ENOX1: variants seen among roughly 807,000 people sequenced by gnomAD.
ENOX1 encodes the protein candidate growth-related and time keeping constitutive hydroquinone (NADH) oxidase.
In ENOX1, 42 loss-of-function variants were observed where a neutral mutation model predicts 82.5. That is an observed-to-expected ratio of 0.51 (90% CI 0.40 to 0.66). ENOX1 has a LOEUF of 0.66. ENOX1 is among the 30% of genes least tolerant of loss of function. The pLI is 0.00. For missense variants in ENOX1, 608 were observed against 811.6 expected (o/e 0.75, Z 3.05); for synonymous variants, 271 against 282.2 (o/e 0.96, Z 0.40).
chr13:43,334,467 C>T (rs180882012), intron 9 of ENOX1, among the ~76,000 whole-genome samples: 43 of 152,278 alleles, frequency 2.8e-4, no homozygotes, highest in Non-Finnish European at 5.3e-4. Context: ...CCTTGAGCTG[C>T]TCAGAGTCCC....
intron 1 of ENOX1, among the ~76,000 whole-genome samples, chr13:43,756,623 T>A (rs951861986): frequency 3.9e-5 from 6 of 152,102 alleles, no homozygotes; most frequent in Non-Finnish European, 8.8e-5. Context: ...TGTGTCTCAT[T>A]GGACTGGGAG....
intron 15 of ENOX1, among the ~76,000 whole-genome samples, chr13:43,236,059 G>A (rs116529539): frequency 2.6e-5 from 4 of 152,176 alleles, no homozygotes; most frequent in Non-Finnish European, 5.9e-5. Context: ...GTGAAAATAA[G>A]TAAGACATCT....
chr13:43,265,943 G>A (rs1387496627), intron 13 of ENOX1, among the ~76,000 whole-genome samples: 3 of 152,206 alleles, frequency 2.0e-5, no homozygotes, highest in African/African-American at 7.2e-5. Flanking sequence ...GACATCTCTG[G>A]AGGACTAAAG....
At chr13:43,738,182 A>G (rs950672732) in intron 1 of ENOX1, among the ~76,000 whole-genome samples, 1 of 152,232 alleles carries the variant, frequency 6.6e-6, no homozygotes, top group African/African-American at 2.4e-5. Context: ...ACCCAAGCTT[A>G]AAGAGTACAT....
At chr13:43,443,077 C>T (rs1231673610) in intron 3 of ENOX1, among the ~76,000 whole-genome samples, 1 of 152,134 alleles carries the variant, frequency 6.6e-6, no homozygotes, top group Non-Finnish European at 1.5e-5. Flanking sequence ...CAGAAATTAT[C>T]CTTTTTATAT....
chr13:43,615,745 C>T (rs1443743114), intron 2 of ENOX1, among the ~76,000 whole-genome samples: 1 of 151,924 alleles, frequency 6.6e-6, no homozygotes, highest in Non-Finnish European at 1.5e-5. Context: ...CTCCCCTAGC[C>T]CCTCACCCCC....
intron 1 of ENOX1, among the ~76,000 whole-genome samples, chr13:43,730,048 A>G (rs565897560): frequency 6.6e-6 from 1 of 152,212 alleles, no homozygotes; most frequent in African/African-American, 2.4e-5. Context: ...GATCTCCTCC[A>G]CCCTGTGGGG....
intron 2 of ENOX1, among the ~76,000 whole-genome samples, chr13:43,506,722 A>G (rs997027291): frequency 7.3e-5 from 10 of 137,164 alleles, no homozygotes; most frequent in African/African-American, 2.6e-4. Flanking sequence ...CATTCTCAGC[A>G]AACTATCGCA....
chr13:43,564,405 T>C (rs889200645), intron 2 of ENOX1, among the ~76,000 whole-genome samples: 9 of 151,820 alleles, frequency 5.9e-5, no homozygotes, highest in African/African-American at 1.5e-4. Context: ...ACTATGTACA[T>C]ACAAAAATTC....
At chr13:43,549,218 C>T (rs1164361361) in intron 2 of ENOX1, among the ~76,000 whole-genome samples, 1 of 152,194 alleles carries the variant, frequency 6.6e-6, no homozygotes, top group Non-Finnish European at 1.5e-5. Context: ...ATCAATCAGT[C>T]CACTGTAATA....
chr13:43,359,171 G>A (rs770120576), intron 7 of ENOX1, among the ~76,000 whole-genome samples: 4 of 152,166 alleles, frequency 2.6e-5, no homozygotes, highest in Non-Finnish European at 4.4e-5. Flanking sequence ...GAAAAATGGA[G>A]GTGGGGAGTG....
chr13:43,418,156 G>A (rs190410712), intron 3 of ENOX1, among the ~76,000 whole-genome samples: 179 of 151,402 alleles, frequency 1.2e-3, no homozygotes, highest in Non-Finnish European at 1.7e-3. Flanking sequence ...TTGTAGAGCC[G>A]AGATCACACC....
At chr13:43,531,440 A>C (rs2078209216) in intron 2 of ENOX1, among the ~76,000 whole-genome samples, 1 of 150,676 alleles carries the variant, frequency 6.6e-6, no homozygotes, top group South Asian at 2.1e-4. Context: ...GCTGGAGAGC[A>C]TGTGGAGAAA....
At chr13:43,429,577 G>C (rs867912930) in intron 3 of ENOX1, among the ~76,000 whole-genome samples, 4 of 152,172 alleles carry the variant, frequency 2.6e-5, no homozygotes, top group African/African-American at 9.6e-5. Context: ...GATCAAATGG[G>C]GAAAGACTTG....
intron 2 of ENOX1, among the ~76,000 whole-genome samples, chr13:43,616,173 T>TATATATATAG (rs1566641952): frequency 2.9e-4 from 2 of 6,924 alleles, no homozygotes; most frequent in African/African-American, 5.6e-4. Context: ...TATCTATCTA[T>TATATATATAG]CTATCTATCT....
rs530765910 is a variant in ENOX1, at chr13:43,770,265, C to T, written c.-285+16387G>A. Among the ~76,000 whole-genome samples, 7 of 152,240 alleles carry T rather than the reference C, an allele frequency of 4.6e-5. No homozygotes were observed. In the South Asian group the frequency reaches 1.5e-3, roughly 32 times the overall value. ...TGAGACAATGAGAAAATGGCATTCCCCCTGGTCACATGACCTACAATGGTG... is the reference window on the plus strand; with the variant it reads ...TGAGACAATGAGAAAATGGCATTCCTCCTGGTCACATGACCTACAATGGTG... On this transcript the variant is annotated intron_variant, in intron 1 of 16. Coordinates refer to ENST00000690772, the MANE Select transcript of ENOX1 (RefSeq NM_001347969.2).
intron 9 of ENOX1, among the ~76,000 whole-genome samples, chr13:43,335,531 G>A (rs1244728129): frequency 1.3e-5 from 2 of 152,078 alleles, no homozygotes; most frequent in East Asian, 1.9e-4. Context: ...AGTGGCTAGA[G>A]TCCAGTCCTA....
chr13:43,707,148 C>A (rs145311613), intron 1 of ENOX1, among the ~76,000 whole-genome samples: 1 of 151,746 alleles, frequency 6.6e-6, no homozygotes, highest in Non-Finnish European at 1.5e-5. Context: ...AAATTTAAAA[C>A]GATACTATTA....
At chr13:43,361,853 T>A (rs1224804135) in intron 5 of ENOX1, among the ~76,000 whole-genome samples, 2 of 152,098 alleles carry the variant, frequency 1.3e-5, no homozygotes, top group Non-Finnish European at 2.9e-5. Flanking sequence ...TGAATCTAAT[T>A]GTCAACGTGG....
Sources: allele counts gnomAD v4.1 joint callset (sites outside exome capture counted in the v4.1 genomes callset), GRCh38; gene constraint gnomAD v4.1.1; transcripts MANE v1.5; gene names NCBI Gene and HGNC (gene_info 2026-07-23, HGNC 2026-07-21).